The following IGF1R variants were observed in gnomAD, a reference collection of about 807,000 sequenced individuals.
IGF1R encodes insulin like growth factor 1 receptor.
IGF1R carries 44 observed loss-of-function variants against 144.6 expected under a neutral mutation model. The ratio of observed to expected loss-of-function variants is 0.30; its 90% confidence interval spans 0.24 to 0.39. IGF1R has a LOEUF of 0.39. Ranked by LOEUF, IGF1R falls within the 10% of genes least tolerant of loss-of-function variation. IGF1R has a pLI of 1.00. For missense variants in IGF1R, 1,355 were observed against 1,833.7 expected, an observed-to-expected ratio of 0.74 and a Z score of 4.77; for synonymous variants, 795 against 722.8, an observed-to-expected ratio of 1.10 and a Z score of -1.60.
At position 98,649,653 on chromosome 15, in the gene IGF1R, G is replaced by C. The variant is rs35041862; in HGVS notation, c.72G>C (p.Ser24=). The C allele has an allele frequency of 6.2e-7, 1 of 1,609,382 alleles. No individual in the cohort carries two copies. The highest frequency in any genetic ancestry group is 8.5e-7 in the Non-Finnish European group (1 of 1,178,526). ...TCCTGTTTCTCTCCGCCGCGCTCTC[G>C]CTCTGGCCGACGAGTGGAGAAAGTG... The part of the protein sequence containing the change: ...WGLLFLSAAL[S]LWPTSGEICG... Residue 24 remains serine, a synonymous_variant, in exon 1 of 21, where the codon TCG becomes TCC. Transcript: ENST00000650285.
chr15:98,827,332 C>T (rs762715313), intron 2 of IGF1R, among the ~76,000 whole-genome samples: 13 of 152,078 alleles, frequency 8.5e-5, no homozygotes, highest in Non-Finnish European at 1.8e-4. Context: ...GTTCACATGC[C>T]GTTTGAATGT....
chr15:98,811,643 T>C (rs1159015246), intron 2 of IGF1R, among the ~76,000 whole-genome samples: 2 of 151,596 alleles, frequency 1.3e-5, no homozygotes, highest in Non-Finnish European at 2.9e-5. Flanking sequence ...AAGTCAACTA[T>C]CAGCTGGGCG....
intron 2 of IGF1R, among the ~76,000 whole-genome samples, chr15:98,837,176 C>T (rs551874072): frequency 6.6e-6 from 1 of 152,256 alleles, no homozygotes; most frequent in South Asian, 2.1e-4. Flanking sequence ...TTGAGCAATC[C>T]TCCCATCTCA....
chr15:98,825,720 G>C (rs764857666), intron 2 of IGF1R, among the ~76,000 whole-genome samples: 4 of 152,326 alleles, frequency 2.6e-5, no homozygotes, highest in Non-Finnish European at 5.9e-5. Context: ...ACCATCTGTA[G>C]ATTACTTATA....
At chr15:98,928,789 CCAGCCTAGCAT>C (rs1811693428) in intron 13 of IGF1R, among the ~76,000 whole-genome samples, 1 of 152,034 alleles carries the variant, frequency 6.6e-6, no homozygotes, top group South Asian at 2.1e-4. Context: ...TGCCTGGTGC[CCAGCCTAGCAT>C]CTGCCATACA....
In IGF1R at chr15:98,962,493, T is replaced by G. The variant is rs2017265690; in HGVS notation, c.*5051T>G. ...GAGAACTTCAAGAGAGGATGTTATT[T>G]AGACTGAACCTCTGTTGCCAGAGAT... is the stretch of plus-strand genomic sequence containing the variant. On this transcript the variant is annotated 3_prime_UTR_variant, in exon 21 of 21. Transcript: ENST00000650285. 1 of 233,598 alleles carries G rather than the reference T, an allele frequency of 4.3e-6. No homozygotes were observed. 14.5% of individuals were successfully genotyped at this position (233,598 alleles called of 1,614,324 possible).
At chr15:98,858,943 C>T (rs1235339831) in intron 2 of IGF1R, among the ~76,000 whole-genome samples, 2 of 152,184 alleles carry the variant, frequency 1.3e-5, no homozygotes, top group Admixed American at 6.5e-5. Flanking sequence ...TCCTCAATGG[C>T]AGAATTCTAC....
intron 2 of IGF1R, among the ~76,000 whole-genome samples, chr15:98,711,742 C>G (rs1002710373): frequency 3.3e-5 from 5 of 152,176 alleles, no homozygotes; most frequent in African/African-American, 1.2e-4. Flanking sequence ...TTCCCTCAGT[C>G]TGGCTTTTAA....
At chr15:98,764,710 A>T (rs529078937) in intron 2 of IGF1R, among the ~76,000 whole-genome samples, 1 of 152,314 alleles carries the variant, frequency 6.6e-6, no homozygotes, top group South Asian at 2.1e-4. Flanking sequence ...TTCCAGCTCC[A>T]CTGAGTGCCC....
At chr15:98,721,711 TAA>T (rs911073345) in intron 2 of IGF1R, among the ~76,000 whole-genome samples, 2 of 152,228 alleles carry the variant, frequency 1.3e-5, no homozygotes, top group African/African-American at 4.8e-5. Flanking sequence ...AGGAATTTTA[TAA>T]AGAGATTTAC....
chr15:98,764,572 A>C (rs890947502), intron 2 of IGF1R, among the ~76,000 whole-genome samples: 4 of 152,216 alleles, frequency 2.6e-5, no homozygotes, highest in Admixed American at 2.6e-4. Flanking sequence ...ACATTTTATA[A>C]GTACTGTGAA....
intron 2 of IGF1R, among the ~76,000 whole-genome samples, chr15:98,758,790 C>G (rs2055221580): frequency 2.6e-5 from 4 of 152,178 alleles, no homozygotes; most frequent in Admixed American, 1.3e-4. Context: ...GTCCTTGTTA[C>G]TTTAGAGAGG....
At chr15:98,906,120 GTGAT>G (rs147762004) in intron 5 of IGF1R, among the ~76,000 whole-genome samples, 2,568 of 152,328 alleles carry the variant, frequency 0.017, 39 homozygotes, top group Middle Eastern at 0.048. Flanking sequence ...GCTTTTCAAA[GTGAT>G]TAGTCAAATA....
At chr15:98,743,874 C>T (rs2054804222) in intron 2 of IGF1R, among the ~76,000 whole-genome samples, 1 of 152,048 alleles carries the variant, frequency 6.6e-6, no homozygotes, top group African/African-American at 2.4e-5. Flanking sequence ...GTAAAATTGG[C>T]CAGGCCTGTG....
chr15:98,652,187 A>G (rs572754784), intron 1 of IGF1R, among the ~76,000 whole-genome samples: 2 of 152,248 alleles, frequency 1.3e-5, no homozygotes, highest in African/African-American at 2.4e-5. Context: ...TTGTATCACC[A>G]TAATGTGAAC....
chr15:98,673,829 C>T (rs1006553877), intron 1 of IGF1R, among the ~76,000 whole-genome samples: 11 of 152,184 alleles, frequency 7.2e-5, no homozygotes, highest in African/African-American at 1.7e-4. Context: ...CTGTGCCAGG[C>T]GCTGTATTTT....
intron 4 of IGF1R, among the ~76,000 whole-genome samples, chr15:98,898,153 C>G (rs1464432): frequency 0.047 from 7,165 of 152,282 alleles, 279 homozygotes; most frequent in East Asian, 0.14. Context: ...AGGGCTTGCC[C>G]ACTCTCATGG....
intron 2 of IGF1R, among the ~76,000 whole-genome samples, chr15:98,776,501 A>T (rs1175820334): frequency 6.6e-6 from 1 of 152,192 alleles, no homozygotes; most frequent in Non-Finnish European, 1.5e-5. Context: ...TTATTTCTTT[A>T]AAAAAGAAAC....
chr15:98,962,178 G>A lies in IGF1R; in HGVS notation c.*4736G>A, dbSNP rs535253319. 25 of 233,324 alleles carry A rather than the reference G, an allele frequency of 1.1e-4. No individual in the cohort carries two copies. The highest frequency in any genetic ancestry group is 5.4e-4 in the South Asian group (3 of 5,530). The allele number at this position is 233,324 out of a possible 1,614,324, so 14.5% of individuals were successfully genotyped here. A position where few individuals can be genotyped will look rare whatever the true frequency, so the allele number is the denominator to read the frequency against. On this transcript the variant is annotated 3_prime_UTR_variant, in exon 21 of 21. Coordinates refer to ENST00000650285, the MANE Select transcript of IGF1R (RefSeq NM_000875.5). ...CTTGTCTAGTGTTCTTAGCTGTCAC[G>A]TTGGCTCCTTCCAGGGTGGCCAGAC...
Sources: allele counts gnomAD v4.1 joint callset (sites outside exome capture counted in the v4.1 genomes callset), GRCh38; gene constraint gnomAD v4.1.1; transcripts MANE v1.5; gene names NCBI Gene and HGNC (gene_info 2026-07-23, HGNC 2026-07-21).